Variants in ZNF143 observed in about 807,000 individuals in gnomAD.
ZNF143 encodes the protein zinc finger protein 143.
In ZNF143, 49 loss-of-function variants were observed where a neutral mutation model predicts 74.1. The observed-to-expected ratio is 0.66, with a 90% CI of 0.53 to 0.84. The LOEUF is 0.84. ZNF143 is among the 40% of genes least tolerant of loss of function. ZNF143 has a pLI of 0.00. For synonymous variants in ZNF143, 304 were observed against 282.8 expected, an observed-to-expected ratio of 1.07 and a Z score of -0.75; for missense variants, 637 against 793.4, an observed-to-expected ratio of 0.80 and a Z score of 2.37.
intron 5 of ZNF143, among the ~76,000 whole-genome samples, chr11:9,477,113 C>CCCTTCCTTCCTTCCTT (rs370473998): frequency 8.2e-4 from 58 of 70,498 alleles, no homozygotes; most frequent in East Asian, 1.9e-3. Context: ...AAGTCTGCAC[C>CCCTTCCTTCCTTCCTT]CCTTCCTTCC....
intron 8 of ZNF143, among the ~76,000 whole-genome samples, 192 bp downstream of exon 8, chr11:9,494,957 G>C (rs1847909684): frequency 6.6e-6 from 1 of 152,124 alleles, no homozygotes; most frequent in African/African-American, 2.4e-5. Context: ...TTGAGGGCTT[G>C]GACTGTGTTT....
chr11:9,522,060 T>A (rs1848949893), intron 14 of ZNF143, among the ~76,000 whole-genome samples: 2 of 124,918 alleles, frequency 1.6e-5, no homozygotes, highest in African/African-American at 2.8e-5. Context: ...AGGGAGACCC[T>A]GTCTCAAAAA....
At chr11:9,462,073 T>C (rs1855895196) in intron 1 of ZNF143, 1 of 152,202 alleles carries the variant, frequency 6.6e-6, no homozygotes, top group Non-Finnish European at 1.5e-5. Context: ...TTGCTGAGTA[T>C]GTAGATCAAG....
chr11:9,465,663 C>G (rs1441496123), intron 1 of ZNF143, among the ~76,000 whole-genome samples: 1 of 146,680 alleles, frequency 6.8e-6, no homozygotes, highest in East Asian at 2.0e-4. Flanking sequence ...CCACGCCTGG[C>G]TAATTTTTTT....
chr11:9,463,826 A>G (rs951160104), intron 1 of ZNF143: 1 of 152,216 alleles, frequency 6.6e-6, no homozygotes, highest in Non-Finnish European at 1.5e-5. Flanking sequence ...TATTTTTAAA[A>G]TAAAAAACCA....
intron 7 of ZNF143, among the ~76,000 whole-genome samples, chr11:9,484,537 C>CT (rs1554963883): frequency 6.7e-6 from 1 of 149,444 alleles, no homozygotes; most frequent in Non-Finnish European, 1.5e-5. Flanking sequence ...TTCTAAGTCT[C>CT]TTTTTTTCTA....
rs373920789 is a variant in ZNF143 at position 9,497,703 on chromosome 11, T to G, written c.870T>G (p.Thr290=). 2.1e-5 allele frequency: 33 copies of G among 1,607,034 alleles called. No individual in the cohort carries two copies. Among genetic ancestry groups the G allele is most frequent in the African/African-American group, 2.0e-4 (15 of 74,590 alleles). The part of the protein sequence containing the change: ...TGYGLKSHVR[T]HTGEKPYRCS... Reference sequence around the variant, plus strand: ...ATGGATTAAAAAGTCACGTCAGAACTCATACAGGAGAAAAGCCATATCGGT... The same window carrying G: ...ATGGATTAAAAAGTCACGTCAGAACGCATACAGGAGAAAAGCCATATCGGT... Residue 290 remains threonine, a synonymous_variant, in exon 10 of 16, where the codon ACT becomes ACG. Transcript: ENST00000396602.
intron 2 of ZNF143, among the ~76,000 whole-genome samples, chr11:9,472,023 G>C (rs2133864142): frequency 6.6e-6 from 1 of 150,466 alleles, no homozygotes; most frequent in African/African-American, 2.4e-5. Flanking sequence ...TCAGCCTTCT[G>C]GCTTAAGACA....
chr11:9,519,796 C>G (rs1848847344), intron 14 of ZNF143, among the ~76,000 whole-genome samples: 1 of 152,046 alleles, frequency 6.6e-6, no homozygotes, highest in Non-Finnish European at 1.5e-5. Context: ...ATGATAGTAC[C>G]AAACAATTCT....
At position 9,525,240 on chromosome 11, in the gene ZNF143, G is replaced by A; in HGVS notation, c.1687G>A (p.Val563Ile). 6.2e-7 allele frequency: 1 copy of A among 1,614,052 alleles called. No homozygotes were observed. The highest frequency in any genetic ancestry group is 8.5e-7 in the Non-Finnish European group (1 of 1,179,994). Residue 563 changes from valine to isoleucine, a missense_variant and splice_region_variant, in exon 15 of 16, where the codon GTT becomes ATT. By Grantham distance (29) the Val-to-Ile change is conservative. Around this residue, in one of 2 missense-constraint regions of ZNF143, gnomAD observed 344 missense variants for 485.6 expected, o/e 0.71. Transcript: ENST00000396602. ...TATGGTTTGTTTTGTTTTGCTTAAGGTTGCAATTGTAGCTCAAGACTTGGC... is the reference window on the plus strand; with the variant it reads ...TATGGTTTGTTTTGTTTTGCTTAAGATTGCAATTGTAGCTCAAGACTTGGC... ...VTAEGTEGEQ[V>I]AIVAQDLAAF...
Position 9,501,251 on chromosome 11 carries a change from C to T in ZNF143, c.1128C>T (p.Asn376=). ...RAFASATNYK[N]HVRIHTGEKP... is the part of the protein sequence containing the mutation. Reference sequence around the variant, plus strand: ...TTGCCAGTGCAACAAATTATAAAAACCATGTGAGGATACACACAGGTAACA... The same window carrying T: ...TTGCCAGTGCAACAAATTATAAAAATCATGTGAGGATACACACAGGTAACA... The change falls in exon 11 of 16, where the codon AAC becomes AAT. Residue 376 remains asparagine, a synonymous_variant. Coordinates refer to ENST00000396602, the MANE Select transcript of ZNF143 (RefSeq NM_003442.6). 1 of 1,614,102 alleles carries T rather than the reference C, an allele frequency of 6.2e-7. No individual in the cohort carries two copies. The highest frequency in any genetic ancestry group is 8.5e-7 in the Non-Finnish European group (1 of 1,180,018).
chr11:9,523,714 A>G (rs1258572415), intron 14 of ZNF143, among the ~76,000 whole-genome samples: 1 of 150,392 alleles, frequency 6.6e-6, no homozygotes, highest in Non-Finnish European at 1.5e-5. Flanking sequence ...AGCCTGGGCG[A>G]CAAAGTGAGA....
chr11:9,493,844 A>T (rs915526464), intron 7 of ZNF143, among the ~76,000 whole-genome samples: 1 of 152,212 alleles, frequency 6.6e-6, no homozygotes, highest in Non-Finnish European at 1.5e-5. Flanking sequence ...ATGTTATTAC[A>T]TCCCAGAAAA....
At chr11:9,497,629 T>C in intron 9 of ZNF143, 46 bp from the exon 10 acceptor site, 1 of 1,458,424 alleles carries the variant, frequency 6.9e-7, no homozygotes, top group Non-Finnish European at 9.4e-7. Context: ...TGTGCATGTT[T>C]AGAGCAGTAT....
At position 9,483,737 on chromosome 11, in the gene ZNF143, C is replaced by T. The variant is rs528609979; in HGVS notation, c.645+4191C>T. On this transcript the variant is annotated intron_variant, in intron 7 of 15. Coordinates refer to ENST00000396602, the MANE Select transcript of ZNF143 (RefSeq NM_003442.6). ...GGGATTATAGGTGTGAACCAATTTG[C>T]CCGGCCGGAATTCTTTTTTTTTTTT... 5.5e-4 allele frequency among the ~76,000 whole-genome samples: 83 copies of T among 149,712 alleles called. 2 individuals carry two copies. The highest frequency in any genetic ancestry group is 2.0e-3 in the African/African-American group (80 of 40,138).
At chr11:9,491,065 C>G (rs908210064) in intron 7 of ZNF143, among the ~76,000 whole-genome samples, 1 of 152,276 alleles carries the variant, frequency 6.6e-6, no homozygotes, top group East Asian at 1.9e-4. Flanking sequence ...TATTTGATTC[C>G]CATTTCTTAT....
chr11:9,510,335 A>G (rs1808769817), intron 12 of ZNF143, among the ~76,000 whole-genome samples: 1 of 152,092 alleles, frequency 6.6e-6, no homozygotes, highest in Admixed American at 6.5e-5. Context: ...CGTGTTAGCC[A>G]GGATGGTCTC....
At chr11:9,461,115 TCTCCGCCTGGC>T in intron 1 of ZNF143, 39 bp downstream of exon 1, 2 of 983,574 alleles carry the variant, frequency 2.0e-6, no homozygotes, top group Non-Finnish European at 2.4e-6. Context: ...TGTGCATTAT[TCTCCGCCTGGC>T]CGCCGCCCTC....
chr11:9,505,220 C>T (rs1234094623), intron 11 of ZNF143, among the ~76,000 whole-genome samples: 4 of 129,140 alleles, frequency 3.1e-5, no homozygotes, highest in African/African-American at 1.0e-4. Context: ...GATCCACCCA[C>T]CTTGGCCTCC....
Sources: gnomAD v4.1 joint callset for allele counts (sites outside exome capture counted in the v4.1 genomes callset) on GRCh38, gnomAD v4.1.1 for gene constraint, gnomAD v4.1.1 regional missense constraint, MANE v1.5 for transcripts, NCBI Gene and HGNC (gene_info 2026-07-23, HGNC 2026-07-21) for gene names.